GVQW3: variants seen among roughly 807,000 people sequenced by gnomAD.
GVQW3 encodes the protein GVQW motif containing 3, also known as protein GVQW3.
In GVQW3, 7 loss-of-function variants were observed where a neutral mutation model predicts 12.5. The observed-to-expected ratio is 0.56, with a 90% CI of 0.32 to 1.05. The LOEUF is 1.05. Among genes scored for constraint, GVQW3 ranks in the 50% least tolerant of loss-of-function variants. The pLI is 0.04. For missense variants in GVQW3, 188 were observed against 190.8 expected (o/e 0.99, Z 0.09); for synonymous variants, 71 against 67.2 (o/e 1.06, Z -0.28).
At position 76,381,990 on chromosome 11, in the gene GVQW3, G is replaced by GGAA; in HGVS notation, c.165_167dup (p.Glu55dup). The stretch of plus-strand genomic sequence containing the variant: ...GGCACAAAAGGTTTAAAGAAGGACG[G>GGAA]GAAGATGTTCGAGATGATGCCCGAA... On this transcript the variant is annotated inframe_insertion, in exon 1 of 2. Transcript: ENST00000529331. The GGAA allele has an allele frequency of 6.5e-7, 1 of 1,536,418 alleles. No homozygotes were observed. Among genetic ancestry groups the GGAA allele is most frequent in the Non-Finnish European group, 8.7e-7 (1 of 1,146,966 alleles).
chr11:76,385,946 C>G (rs1946829535), intron 1 of GVQW3, among the ~76,000 whole-genome samples: 1 of 152,218 alleles, frequency 6.6e-6, no homozygotes, highest in Non-Finnish European at 1.5e-5. Flanking sequence ...CTCCTAGCAA[C>G]TGTATTTTCC....
rs1947028342 is a variant in GVQW3 at position 76,405,251 on chromosome 11, C to T, written c.*1493C>T. The stretch of plus-strand genomic sequence containing the variant: ...CTCCCAGCAGAGTTCTACTAAATCT[C>T]ATTGGCCCAAGGGAGCTGCAGTGGT... On this transcript the variant is annotated 3_prime_UTR_variant, in exon 2 of 2. Coordinates refer to ENST00000529331, the MANE Select transcript of GVQW3 (RefSeq NM_001347885.2). 1.3e-5 allele frequency: 2 copies of T among 152,236 alleles called. No homozygotes were observed. The highest frequency in any genetic ancestry group is 4.1e-4 in the South Asian group (2 of 4,832). 9.4% of individuals were successfully genotyped at this position (152,236 alleles called of 1,614,324 possible). A position where few individuals can be genotyped will look rare whatever the true frequency, so the allele number is the denominator to read the frequency against.
intron 1 of GVQW3, among the ~76,000 whole-genome samples, chr11:76,400,258 G>A (rs1443233091): frequency 6.7e-6 from 1 of 149,520 alleles, no homozygotes; most frequent in South Asian, 2.1e-4. Context: ...GATTACGGGC[G>A]CCTGCCACCA....
At chr11:76,398,768 A>C (rs1360331622) in intron 1 of GVQW3, among the ~76,000 whole-genome samples, 1 of 152,060 alleles carries the variant, frequency 6.6e-6, no homozygotes, top group African/African-American at 2.4e-5. Flanking sequence ...GCCTGAATTC[A>C]ATTTTCTTAT....
At chr11:76,395,318 A>G (rs1321594276) in intron 1 of GVQW3, among the ~76,000 whole-genome samples, 1 of 152,250 alleles carries the variant, frequency 6.6e-6, no homozygotes, top group Non-Finnish European at 1.5e-5. Context: ...CCTTGGCCCC[A>G]GCAACCATGA....
chr11:76,393,826 TG>T (rs1436587259), intron 1 of GVQW3, among the ~76,000 whole-genome samples: 1 of 152,092 alleles, frequency 6.6e-6, no homozygotes, highest in African/African-American at 2.4e-5. Flanking sequence ...TCAGGGTAAA[TG>T]GGGTATCCAT....
intron 1 of GVQW3, among the ~76,000 whole-genome samples, chr11:76,397,193 G>A (rs1293798566): frequency 6.6e-6 from 1 of 151,732 alleles, no homozygotes; most frequent in Admixed American, 6.6e-5. Flanking sequence ...TAGTAGAGAC[G>A]GGATTTCACC....
rs1392168911 is a variant in GVQW3, at chr11:76,403,872, G to A, written c.*114G>A. On this transcript the variant is annotated 3_prime_UTR_variant, in exon 2 of 2. Coordinates refer to ENST00000529331, the MANE Select transcript of GVQW3 (RefSeq NM_001347885.2). Reference sequence around the variant, plus strand: ...AGGGCAGGAGAAGATGGATGTCACAGCTCAAGAAGCGAGAACAAATTTGCC... The same window carrying A: ...AGGGCAGGAGAAGATGGATGTCACAACTCAAGAAGCGAGAACAAATTTGCC... The A allele has an allele frequency of 2.9e-6, 2 of 700,156 alleles. No individual in the cohort carries two copies. The highest frequency in any genetic ancestry group is 5.2e-6 in the Non-Finnish European group (2 of 383,362). The allele number at this position is 700,156 out of a possible 1,614,324, so 43.4% of individuals were successfully genotyped here.
chr11:76,412,139 T>C (rs986374486), downstream of GVQW3: 1 of 152,214 alleles, frequency 6.6e-6, no homozygotes, highest in African/African-American at 2.4e-5. Context: ...ACCTACCACA[T>C]GCCAGACATT....
At chr11:76,398,654 T>C (rs1946961347) in intron 1 of GVQW3, among the ~76,000 whole-genome samples, 1 of 152,068 alleles carries the variant, frequency 6.6e-6, no homozygotes, top group South Asian at 2.1e-4. Flanking sequence ...ATGGAGTTGG[T>C]CTTGCTATGT....
exon 2 of GVQW3, chr11:76,414,350 C>G (rs1339064688): frequency 3.3e-5 from 5 of 152,036 alleles, no homozygotes; most frequent in African/African-American, 7.3e-5. Context: ...TCCAATCCCC[C>G]CAAGCAGAGT....
At chr11:76,393,751 G>GTA (rs1169726719) in intron 1 of GVQW3, among the ~76,000 whole-genome samples, 3 of 151,614 alleles carry the variant, frequency 2.0e-5, no homozygotes, top group Admixed American at 6.6e-5. Context: ...TACATAGCAG[G>GTA]TATATATATA....
Position 76,407,235 on chromosome 11 carries a change from T to C in GVQW3, c.*3477T>C, listed in dbSNP as rs904703092. ...ATGTTGCATTGGTGAAATTATAAAT[T>C]GATATTGTTTTCTCAGAGCAATTTC... is the stretch of plus-strand genomic sequence containing the variant. On this transcript the variant is annotated 3_prime_UTR_variant, in exon 2 of 2. Transcript: ENST00000529331. 2.6e-5 allele frequency: 4 copies of C among 152,018 alleles called. No individual in the cohort carries two copies. Among genetic ancestry groups the C allele is most frequent in the African/African-American group, 9.7e-5 (4 of 41,402 alleles). 9.4% of individuals were successfully genotyped at this position (152,018 alleles called of 1,614,324 possible).
chr11:76,410,433 T>TG (rs1947072228), downstream of GVQW3, among the ~76,000 whole-genome samples: 1 of 98,166 alleles, frequency 1.0e-5, no homozygotes, highest in South Asian at 3.8e-4. Context: ...GGGTCTGTTT[T>TG]GTTTTTTTTT....
At position 76,405,451 on chromosome 11, in the gene GVQW3, A is replaced by T. The variant is rs556268803; in HGVS notation, c.*1693A>T. Reference sequence around the variant, plus strand: ...TTATATGTATATTTTCCATTTTCCCAAACAGTCCTTGGAAGTAGCATCCTC... The same window carrying T: ...TTATATGTATATTTTCCATTTTCCCTAACAGTCCTTGGAAGTAGCATCCTC... On this transcript the variant is annotated 3_prime_UTR_variant, in exon 2 of 2. Coordinates refer to ENST00000529331, the MANE Select transcript of GVQW3 (RefSeq NM_001347885.2). The T allele has an allele frequency of 1.2e-4, 18 of 152,276 alleles. No homozygotes were observed. In the East Asian group the frequency reaches 3.1e-3, roughly 26 times the overall value. 9.4% of individuals were successfully genotyped at this position (152,276 alleles called of 1,614,324 possible).
At chr11:76,397,997 T>C (rs536563337) in intron 1 of GVQW3, among the ~76,000 whole-genome samples, 1 of 151,870 alleles carries the variant, frequency 6.6e-6, no homozygotes. Flanking sequence ...TAGCCTGGTG[T>C]GGTGGCCTGT....
chr11:76,389,153 G>A (rs6592631), intron 1 of GVQW3, among the ~76,000 whole-genome samples: 143,651 of 152,316 alleles, frequency 0.94, 67,791 homozygotes, highest in African/African-American at 0.95. Flanking sequence ...TTTCTGAAGA[G>A]TATTTGACAG....
chr11:76,411,203 G>C (rs185230624), downstream of GVQW3: 2 of 152,342 alleles, frequency 1.3e-5, no homozygotes, highest in Admixed American at 6.5e-5. Flanking sequence ...CTTGATCCGC[G>C]TGAGCGGAGC....
chr11:76,398,360 A>G (rs1421495595), intron 1 of GVQW3, among the ~76,000 whole-genome samples: 1 of 152,118 alleles, frequency 6.6e-6, no homozygotes, highest in South Asian at 2.1e-4. Context: ...CTGCCAAGCT[A>G]GAGTGCAGTG....
Sources: allele counts gnomAD v4.1 joint callset (sites outside exome capture counted in the v4.1 genomes callset), GRCh38; gene constraint gnomAD v4.1.1; transcripts MANE v1.5; gene names NCBI Gene and HGNC (gene_info 2026-07-23, HGNC 2026-07-21).